TRPM1: variants seen among roughly 807,000 people sequenced by gnomAD.
TRPM1 encodes the protein TRPM1-203 APA Isoform, Intron 10.
Under a neutral mutation model 149.4 loss-of-function variants are expected in TRPM1, and 113 were observed. That is an observed-to-expected ratio of 0.76 (90% CI 0.65 to 0.88). TRPM1 has a LOEUF of 0.88. TRPM1 is among the 40% of genes least tolerant of loss of function. The pLI, the probability that TRPM1 is intolerant of heterozygous loss-of-function variation, is 0.00. For missense variants in TRPM1, 1,976 were observed against 2,038.7 expected, an observed-to-expected ratio of 0.97 and a Z score of 0.59; for synonymous variants, 741 against 759.5, an observed-to-expected ratio of 0.98 and a Z score of 0.40.
chr15:31,069,817 G>C (rs1478383238), intron 4 of TRPM1: 1 of 1,501,988 alleles, frequency 6.7e-7, no homozygotes, highest in African/African-American at 1.4e-5. Context: ...TGGATTTACG[G>C]GACACTAGAT....
intron 1 of TRPM1, among the ~76,000 whole-genome samples, chr15:31,142,199 G>A (rs1248110765): frequency 6.6e-6 from 1 of 152,120 alleles, no homozygotes; most frequent in African/African-American, 2.4e-5. Flanking sequence ...TTTTAAGGGT[G>A]TCTCCCTCTC....
intron 11 of TRPM1, among the ~76,000 whole-genome samples, chr15:31,053,255 T>C (rs1343814730): frequency 6.6e-6 from 1 of 152,170 alleles, no homozygotes; most frequent in Non-Finnish European, 1.5e-5. Flanking sequence ...TATCTTTTTT[T>C]TTCCTTTTAT....
At chr15:31,050,701 A>G (rs956625978) in intron 11 of TRPM1, 119 bp from the exon 12 acceptor site, 14 of 1,067,418 alleles carry the variant, frequency 1.3e-5, no homozygotes, top group African/African-American at 3.1e-5. Flanking sequence ...CATGCACACA[A>G]TGTACATGTG....
At chr15:31,028,189 G>T in intron 25 of TRPM1, 143 bp downstream of exon 25, 1 of 958,204 alleles carries the variant, frequency 1.0e-6, no homozygotes, top group East Asian at 2.5e-5. Context: ...TTTGAACAAA[G>T]AGACTGCAAA....
chr15:31,083,138 C>A (rs1005295828), intron 1 of TRPM1, among the ~76,000 whole-genome samples: 1 of 152,074 alleles, frequency 6.6e-6, no homozygotes, highest in African/African-American at 2.4e-5. Flanking sequence ...TACTGCCGGG[C>A]GAGGCTCTGT....
intron 3 of TRPM1, among the ~76,000 whole-genome samples, chr15:31,071,972 A>G (rs1331358418): frequency 2.6e-5 from 3 of 114,454 alleles, no homozygotes; most frequent in African/African-American, 1.1e-4. Context: ...TCAAAAAAAA[A>G]AAAAAAACAT....
At chr15:31,062,417 T>C (rs186302670) in intron 9 of TRPM1, among the ~76,000 whole-genome samples, 162 bp downstream of exon 9, 152 of 152,262 alleles carry the variant, frequency 1.0e-3, no homozygotes, top group African/African-American at 3.6e-3. Flanking sequence ...TCAGCTTCTG[T>C]CATGTGGACA....
intron 1 of TRPM1, among the ~76,000 whole-genome samples, chr15:31,113,695 ATAGT>A (rs530220978): frequency 5.5e-4 from 83 of 152,288 alleles, no homozygotes; most frequent in Middle Eastern, 3.4e-3. Context: ...TACTGTGCCC[ATAGT>A]TAGTTCATTC....
chr15:31,050,248 A>G (rs2033908673), intron 12 of TRPM1, among the ~76,000 whole-genome samples, 161 bp downstream of exon 12: 1 of 152,078 alleles, frequency 6.6e-6, no homozygotes, highest in African/African-American at 2.4e-5. Context: ...ATTGCAGCGA[A>G]TGTGCTGTTG....
intron 3 of TRPM1, among the ~76,000 whole-genome samples, chr15:31,071,993 A>C (rs1390391868): frequency 1.8e-5 from 1 of 56,718 alleles, no homozygotes; most frequent in African/African-American, 8.1e-5. Flanking sequence ...ATATATATAT[A>C]TATATATATA....
At chr15:31,158,755 C>T (rs1055289971) in intron 1 of TRPM1, among the ~76,000 whole-genome samples, 2 of 151,774 alleles carry the variant, frequency 1.3e-5, no homozygotes, top group Non-Finnish European at 1.5e-5. Flanking sequence ...CTCATATATA[C>T]GGAGAGATGT....
chr15:31,155,027 C>A (rs1298814441), intron 1 of TRPM1, among the ~76,000 whole-genome samples: 2 of 152,190 alleles, frequency 1.3e-5, no homozygotes, highest in African/African-American at 4.8e-5. Context: ...CTTTGCAATT[C>A]CCCTGTCTCC....
intron 1 of TRPM1, among the ~76,000 whole-genome samples, chr15:31,147,817 C>A (rs2036241714): frequency 6.6e-6 from 1 of 152,108 alleles, no homozygotes; most frequent in African/African-American, 2.4e-5. Flanking sequence ...GCTGAGATAA[C>A]CCTGGGGATG....
chr15:31,031,488 G>T (rs2033077372), intron 22 of TRPM1, among the ~76,000 whole-genome samples: 1 of 152,170 alleles, frequency 6.6e-6, no homozygotes, highest in Non-Finnish European at 1.5e-5. Context: ...ATGGGAGTTT[G>T]TAAGGGATGC....
chr15:31,013,081 A>G (rs539974082), intron 27 of TRPM1, among the ~76,000 whole-genome samples: 1 of 151,602 alleles, frequency 6.6e-6, no homozygotes, highest in South Asian at 2.1e-4. Flanking sequence ...CCTGGGCTCA[A>G]GCAATCCTCC....
At chr15:31,141,414 A>G (rs929241400) in intron 1 of TRPM1, among the ~76,000 whole-genome samples, 2 of 152,166 alleles carry the variant, frequency 1.3e-5, no homozygotes, top group African/African-American at 4.8e-5. Context: ...GGACATGAGG[A>G]TATACCTTTG....
intron 1 of TRPM1, among the ~76,000 whole-genome samples, chr15:31,123,628 T>TA (rs2035907509): frequency 6.6e-6 from 1 of 152,178 alleles, no homozygotes; most frequent in African/African-American, 2.4e-5. Flanking sequence ...TCATTTGTTA[T>TA]TGGGAATATA....
Position 31,001,764 on chromosome 15 carries a change from G to A in TRPM1, c.*58C>T. On this transcript the variant is annotated 3_prime_UTR_variant, in exon 28 of 28. Transcript: ENST00000256552. The stretch of plus-strand genomic sequence containing the variant: ...AAATTGATGATGTTTAGATGGCCAA[G>A]ATGACACCCATTAGTGGTTCTGACT... 6.4e-7 allele frequency: 1 copy of A among 1,560,400 alleles called. No individual in the cohort carries two copies. Among genetic ancestry groups the A allele is most frequent in the South Asian group, 1.2e-5 (1 of 85,010 alleles).
In TRPM1 at chr15:31,040,446, G is replaced by T; in HGVS notation, c.2088-100C>A. ...AGGACTTATGGAGCCACGGGACACA[G>T]TATCCTTCACTGGAGGGGCTCTGAG... On this transcript the variant is annotated intron_variant, in intron 17 of 27. Coordinates refer to ENST00000256552, the MANE Select transcript of TRPM1 (RefSeq NM_001252024.2). The surrounding 1 kb of genome is among the most constrained non-coding windows in gnomAD (Gnocchi z 4.2). 4 of 975,388 alleles carry T rather than the reference G, an allele frequency of 4.1e-6. No individual in the cohort carries two copies. Among genetic ancestry groups the T allele is most frequent in the East Asian group, 2.5e-5 (1 of 40,408 alleles). 60.4% of individuals were successfully genotyped at this position (975,388 alleles called of 1,614,324 possible).
Sources: gnomAD v4.1 joint callset for allele counts (sites outside exome capture counted in the v4.1 genomes callset) on GRCh38, gnomAD v4.1.1 for gene constraint, Gnocchi (gnomAD v3.1) non-coding constraint, MANE v1.5 for transcripts, NCBI Gene and HGNC (gene_info 2026-07-23, HGNC 2026-07-21) for gene names.